Variants in SVOPL observed in about 807,000 individuals in gnomAD.
SVOPL encodes the protein putative transporter SVOPL.
In SVOPL, 60 loss-of-function variants were observed where a neutral mutation model predicts 61.0. The observed-to-expected ratio is 0.98, with a 90% confidence interval of 0.80 to 1.22. SVOPL has a LOEUF of 1.22. Among genes scored for constraint, SVOPL ranks in the 50% most tolerant of loss-of-function variants. The pLI is 0.00. For missense variants in SVOPL, 662 were observed against 643.9 expected, an observed-to-expected ratio of 1.03 and a Z score of -0.30; for synonymous variants, 279 against 250.0, an observed-to-expected ratio of 1.12 and a Z score of -1.09.
At chr7:138,606,706 C>T (rs1798772987) in intron 14 of SVOPL, among the ~76,000 whole-genome samples, 3 of 152,300 alleles carry the variant, frequency 2.0e-5, no homozygotes, top group Middle Eastern at 3.4e-3. Flanking sequence ...GTAATCCCAG[C>T]ACTTTGGGAG....
intron 3 of SVOPL, among the ~76,000 whole-genome samples, chr7:138,676,891 T>TG (rs1458574554): frequency 6.7e-6 from 1 of 149,050 alleles, no homozygotes; most frequent in Admixed American, 6.7e-5. Context: ...ACCCACCTCT[T>TG]GGGGTTCCTT....
intron 13 of SVOPL, among the ~76,000 whole-genome samples, chr7:138,622,497 G>A (rs952678926): frequency 6.6e-6 from 1 of 151,810 alleles, no homozygotes; most frequent in Non-Finnish European, 1.5e-5. Flanking sequence ...GGCGGGCGGG[G>A]GGTCTCTCCA....
At chr7:138,631,831 A>G (rs1454996213) in intron 9 of SVOPL, among the ~76,000 whole-genome samples, 1 of 152,034 alleles carries the variant, frequency 6.6e-6, no homozygotes, top group East Asian at 1.9e-4. Context: ...GGCCTCCCAA[A>G]GTGCTTAGAT....
At chr7:138,685,736 G>T (rs1053371584) in intron 1 of SVOPL, among the ~76,000 whole-genome samples, 2 of 151,822 alleles carry the variant, frequency 1.3e-5, no homozygotes, top group Admixed American at 6.6e-5. Context: ...GGCGGGTGCA[G>T]TGGTGGGCAC....
chr7:138,595,761 C>T (rs1401213382), intron 15 of SVOPL, among the ~76,000 whole-genome samples: 1 of 152,150 alleles, frequency 6.6e-6, no homozygotes, highest in Non-Finnish European at 1.5e-5. Flanking sequence ...AAGTCTCTGG[C>T]TTTAAGCACT....
chr7:138,622,270 G>GTATGTATCTATCTATCTATCTATC (rs1554457343), intron 13 of SVOPL, among the ~76,000 whole-genome samples: 1 of 83,740 alleles, frequency 1.2e-5, no homozygotes, highest in Non-Finnish European at 2.7e-5. Flanking sequence ...ATCTATCTAT[G>GTATGTATCTATCTATCTATCTATC]TATCTATCTA....
intron 3 of SVOPL, 36 bp downstream of exon 3, chr7:138,678,398 T>C: frequency 6.5e-7 from 1 of 1,541,280 alleles, no homozygotes; most frequent in Non-Finnish European, 8.8e-7. Flanking sequence ...TTACAGAGTT[T>C]GACACTTTTC....
chr7:138,630,273 A>G, intron 9 of SVOPL, 151 bp from the exon 10 acceptor site: 1 of 642,418 alleles, frequency 1.6e-6, no homozygotes, highest in East Asian at 2.7e-5. Context: ...GCTGACACAA[A>G]CCCAGAGATA....
intron 1 of SVOPL, among the ~76,000 whole-genome samples, chr7:138,685,330 G>C (rs1802783401): frequency 6.6e-6 from 1 of 152,088 alleles, no homozygotes; most frequent in South Asian, 2.1e-4. Context: ...AAACAAGCCA[G>C]GCACAGAATA....
intron 3 of SVOPL, among the ~76,000 whole-genome samples, chr7:138,677,459 T>C (rs1802595549): frequency 6.6e-6 from 1 of 152,166 alleles, no homozygotes; most frequent in African/African-American, 2.4e-5. Flanking sequence ...CGATTTGGCA[T>C]AACATTATGT....
intron 4 of SVOPL, among the ~76,000 whole-genome samples, chr7:138,671,132 AGTG>A (rs1293576972): frequency 6.6e-6 from 1 of 152,162 alleles, no homozygotes; most frequent in Non-Finnish European, 1.5e-5. Flanking sequence ...GTTGGGGAGC[AGTG>A]GCTATAGAAT....
rs764944841 is a variant in SVOPL, at chr7:138,649,083, G to A, written c.589C>T (p.Pro197Ser). The A allele has an allele frequency of 3.7e-6, 6 of 1,613,738 alleles. No homozygotes were observed. The highest frequency in any genetic ancestry group is 2.2e-5 in the East Asian group (1 of 44,880). The change falls in exon 8 of 16, where the codon CCC becomes TCC. Residue 197 changes from proline (P) to serine (S), a missense_variant. Pro to Ser is a moderately conservative substitution (Grantham distance 74, BLOSUM62 -1). Coordinates refer to ENST00000674285, the MANE Select transcript of SVOPL (RefSeq NM_001139456.2). ...ATGAGCCAGCGCCACCCGATGGTGG[G>A]GATGATCACAGAGGCCAAGCCAATG... ...LIIGLASVII[P>S]TIGWRWLIRV... is the part of the protein sequence containing the mutation.
chr7:138,599,167 A>AAAAAAAAAAAAAAAAAAAAAAAAC (rs58372563), intron 14 of SVOPL, among the ~76,000 whole-genome samples: 8 of 121,796 alleles, frequency 6.6e-5, no homozygotes, highest in African/African-American at 9.5e-5. Flanking sequence ...ACCAAAAAAA[A>AAAAAAAAAAAAAAAAAAAAAAAAC]AAGAAATACA....
intron 5 of SVOPL, chr7:138,662,796 C>T (rs1802056764): frequency 8.1e-7 from 1 of 1,237,008 alleles, no homozygotes; most frequent in African/African-American, 1.5e-5. Context: ...GGCCTTCCTT[C>T]CTTTAATCCT....
intron 1 of SVOPL, among the ~76,000 whole-genome samples, chr7:138,692,483 A>G (rs1802963999): frequency 6.6e-6 from 1 of 152,198 alleles, no homozygotes; most frequent in South Asian, 2.1e-4. Flanking sequence ...TACATATTAC[A>G]GTTTCAGATT....
At chr7:138,631,481 A>G (rs1029252186) in intron 9 of SVOPL, among the ~76,000 whole-genome samples, 15 of 151,944 alleles carry the variant, frequency 9.9e-5, no homozygotes, top group Admixed American at 7.2e-4. Context: ...TCCTTCCACT[A>G]TTCTTCCCAA....
At chr7:138,613,825 G>C (rs1021477992) in intron 14 of SVOPL, among the ~76,000 whole-genome samples, 1 of 152,122 alleles carries the variant, frequency 6.6e-6, no homozygotes, top group African/African-American at 2.4e-5. Context: ...CCAAGGCCCT[G>C]ACTTACATCA....
chr7:138,624,840 A>G (rs962318378), intron 13 of SVOPL, among the ~76,000 whole-genome samples: 1 of 151,892 alleles, frequency 6.6e-6, no homozygotes, highest in Non-Finnish European at 1.5e-5. Context: ...AGTAGCTACA[A>G]TTACAGGTAC....
At chr7:138,677,772 T>A (rs568333642) in intron 3 of SVOPL, among the ~76,000 whole-genome samples, 222 of 151,488 alleles carry the variant, frequency 1.5e-3, no homozygotes, top group African/African-American at 4.2e-3. Flanking sequence ...TTTTATTATT[T>A]TTTTTTTTGA....
Sources: allele counts gnomAD v4.1 joint callset (sites outside exome capture counted in the v4.1 genomes callset), GRCh38; gene constraint gnomAD v4.1.1; transcripts MANE v1.5; gene names NCBI Gene and HGNC (gene_info 2026-07-23, HGNC 2026-07-21).